Variants in HSD17B11 observed in about 807,000 individuals in gnomAD.
HSD17B11 encodes the protein estradiol 17-beta-dehydrogenase 11.
Under a neutral mutation model 27.8 loss-of-function variants are expected in HSD17B11, and 22 were observed. That is an observed-to-expected ratio of 0.79 (90% CI 0.56 to 1.13). The LOEUF is 1.13. Ranked by LOEUF, HSD17B11 falls within the 50% of genes most tolerant of loss-of-function variation. The pLI is 0.00. For synonymous variants in HSD17B11, 117 were observed against 132.8 expected, an observed-to-expected ratio of 0.88 and a Z score of 0.82; for missense variants, 314 against 351.1, an observed-to-expected ratio of 0.89 and a Z score of 0.84.
At chr4:87,360,893 TAA>T (rs1426812144) in intron 4 of HSD17B11, among the ~76,000 whole-genome samples, 1 of 152,218 alleles carries the variant, frequency 6.6e-6, no homozygotes, top group Non-Finnish European at 1.5e-5. Flanking sequence ...ATGTTGCACA[TAA>T]TATTTATTAA....
chr4:87,337,983 A>T, intron 6 of HSD17B11, among the ~76,000 whole-genome samples: 1 of 152,160 alleles, frequency 6.6e-6, no homozygotes, highest in East Asian at 1.9e-4. Flanking sequence ...TTTGGGAGGC[A>T]GAGGCGGGTG....
chr4:87,388,166 CAAAA>C (rs67885339), intron 1 of HSD17B11, among the ~76,000 whole-genome samples: 1 of 137,470 alleles, frequency 7.3e-6, no homozygotes, highest in African/African-American at 2.7e-5. Context: ...GTAGTCACAC[CAAAA>C]AAAAAAAAAA....
chr4:87,374,694 C>A lies in HSD17B11; in HGVS notation c.450+5G>T, dbSNP rs770895057. The A allele has an allele frequency of 6.3e-7, 1 of 1,592,766 alleles. No homozygotes were observed. The highest frequency in any genetic ancestry group is 2.2e-5 in the East Asian group (1 of 44,542). ...GAACATTTTTGTAAAAGAAGCCATA[C>A]TCACCCAGAAATGTGCAAGTACATT... is the stretch of plus-strand genomic sequence containing the variant. On this transcript the variant is annotated splice_donor_5th_base_variant and intron_variant, in intron 3 of 6. Transcript: ENST00000358290.
At chr4:87,383,866 T>TTAA (rs1720236488) in intron 1 of HSD17B11, among the ~76,000 whole-genome samples, 1 of 152,080 alleles carries the variant, frequency 6.6e-6, no homozygotes, top group Non-Finnish European at 1.5e-5. Flanking sequence ...GTTTTTGCCA[T>TTAA]TAGTTTAATG....
chr4:87,341,439 C>T (rs938145669), intron 5 of HSD17B11, among the ~76,000 whole-genome samples: 3 of 152,058 alleles, frequency 2.0e-5, no homozygotes, highest in Non-Finnish European at 4.4e-5. Context: ...CCCAAAGTGC[C>T]GGGATTGCAG....
rs903497165 is a variant in HSD17B11, at chr4:87,336,832, A to G, written c.*444T>C. ...GAGTTCATGATATTCATTGTGAAAT[A>G]CCACTAGATATAGTCCTTCATTTTA... On this transcript the variant is annotated 3_prime_UTR_variant, in exon 7 of 7. Coordinates refer to ENST00000358290, the MANE Select transcript of HSD17B11 (RefSeq NM_016245.5). 2 of 160,442 alleles carry G rather than the reference A, an allele frequency of 1.2e-5. No homozygotes were observed. The highest frequency in any genetic ancestry group is 2.4e-5 in the African/African-American group (1 of 41,510). 9.9% of individuals were successfully genotyped at this position (160,442 alleles called of 1,614,324 possible).
At chr4:87,385,100 T>C (rs1370977795) in intron 1 of HSD17B11, among the ~76,000 whole-genome samples, 2 of 152,352 alleles carry the variant, frequency 1.3e-5, no homozygotes, top group African/African-American at 2.4e-5. Context: ...CAAACTGTAG[T>C]ATACTCTCAT....
chr4:87,368,568 C>T (rs1218443021), intron 4 of HSD17B11, among the ~76,000 whole-genome samples: 3 of 152,184 alleles, frequency 2.0e-5, no homozygotes, highest in Non-Finnish European at 4.4e-5. Context: ...AACAGAACAA[C>T]TCCATCTTGA....
At chr4:87,355,033 G>A (rs1181561638) in intron 5 of HSD17B11, among the ~76,000 whole-genome samples, 1 of 151,436 alleles carries the variant, frequency 6.6e-6, no homozygotes, top group Non-Finnish European at 1.5e-5. Context: ...GTGGAGGGTT[G>A]CTTGAGCCCA....
chr4:87,378,845 A>AAT (rs1485945077), intron 2 of HSD17B11, among the ~76,000 whole-genome samples: 9 of 18,122 alleles, frequency 5.0e-4, no homozygotes, highest in African/African-American at 2.8e-3. Context: ...TATATATATA[A>AAT]ATATATATAT....
intron 2 of HSD17B11, among the ~76,000 whole-genome samples, chr4:87,378,951 TATATATATA>T (rs1560769696): frequency 4.4e-4 from 13 of 29,600 alleles, no homozygotes; most frequent in African/African-American, 7.5e-4. Flanking sequence ...TATATATTTA[TATATATATA>T]TTTTTTTTTT....
chr4:87,340,567 C>T lies in HSD17B11; in HGVS notation c.735G>A (p.Arg245=). Residue 245 remains arginine (R), a synonymous_variant, in exon 6 of 7, where the codon AGG becomes AGA. Transcript: ENST00000358290. ...GCTCAGTCAGAATCCCATGCATCAGCCTGTTTACCACTTCCTCAGGTTCCA... is the reference window on the plus strand; with the variant it reads ...GCTCAGTCAGAATCCCATGCATCAGTCTGTTTACCACTTCCTCAGGTTCCA... ...PTLEPEEVVN[R]LMHGILTEQK... is the part of the protein sequence containing the mutation. 3 of 1,613,172 alleles carry T rather than the reference C, an allele frequency of 1.9e-6. No individual in the cohort carries two copies. Among genetic ancestry groups the T allele is most frequent in the South Asian group, 2.2e-5 (2 of 90,826 alleles).
chr4:87,390,874 C>T lies in HSD17B11; in HGVS notation c.197G>A (p.Trp66Ter), dbSNP rs1720439165. 3.7e-6 allele frequency: 6 copies of T among 1,613,892 alleles called. No individual in the cohort carries two copies. The highest frequency in any genetic ancestry group is 5.1e-6 in the Non-Finnish European group (6 of 1,179,790). Residue 66 changes from tryptophan to a stop codon, truncating the protein, a stop_gained, in exon 1 of 7, where the codon TGG becomes TAG. Coordinates refer to ENST00000358290, the MANE Select transcript of HSD17B11 (RefSeq NM_016245.5). LOFTEE classifies it high-confidence loss of function. ...FAKLKSKLVL[W>*]DINKHGLEET... ...AAACACTGTTACCTTATTTATATCC[C>T]AGAGAACCAGCTTGCTTTTAAGTTT...
chr4:87,358,121 T>C (rs1267819975), intron 4 of HSD17B11, among the ~76,000 whole-genome samples: 2 of 151,780 alleles, frequency 1.3e-5, no homozygotes, highest in Non-Finnish European at 2.9e-5. Context: ...GCCACCATGC[T>C]CGGCTAATTT....
chr4:87,378,797 TTATA>T (rs58276602), intron 2 of HSD17B11, among the ~76,000 whole-genome samples: 5,835 of 65,848 alleles, frequency 0.089, 902 homozygotes, highest in African/African-American at 0.28. Context: ...ATATATGATT[TTATA>T]TATATATATA....
chr4:87,382,343 G>C lies in HSD17B11; in HGVS notation c.230C>G (p.Ala77Gly). 6.2e-7 allele frequency: 1 copy of C among 1,613,604 alleles called. No homozygotes were observed. The highest frequency in any genetic ancestry group is 8.5e-7 in the Non-Finnish European group (1 of 1,179,624). ...DINKHGLEET[A>G]AKCKGLGAKV... ...GGCACCCAGTCCCTTGCATTTGGCA[G>C]CTGTTTCCTCCAGTCCATGCTAGAA... Residue 77 changes from alanine (A) to glycine (G), a missense_variant, in exon 2 of 7, where the codon GCT (alanine) becomes GGT (glycine). Physicochemically the swap from Ala to Gly is moderately conservative, Grantham distance 60 (BLOSUM62 0). Coordinates refer to ENST00000358290, the MANE Select transcript of HSD17B11 (RefSeq NM_016245.5).
intron 5 of HSD17B11, among the ~76,000 whole-genome samples, chr4:87,346,003 C>T (rs542538088): frequency 6.6e-6 from 1 of 152,146 alleles, no homozygotes; most frequent in Non-Finnish European, 1.5e-5. Context: ...AAACTACTGA[C>T]CAGTATCTCT....
At chr4:87,383,150 A>G (rs1213476476) in intron 1 of HSD17B11, among the ~76,000 whole-genome samples, 1 of 152,084 alleles carries the variant, frequency 6.6e-6, no homozygotes. Flanking sequence ...GACAGATAGG[A>G]GATTGGTCTT....
At chr4:87,389,957 A>C (rs763478044) in intron 1 of HSD17B11, among the ~76,000 whole-genome samples, 6 of 152,112 alleles carry the variant, frequency 3.9e-5, no homozygotes. Context: ...ACGTGGTAAA[A>C]AATGTTTTTT....
Sources: allele counts gnomAD v4.1 joint callset (sites outside exome capture counted in the v4.1 genomes callset), GRCh38; gene constraint gnomAD v4.1.1; transcripts MANE v1.5; gene names NCBI Gene and HGNC (gene_info 2026-07-23, HGNC 2026-07-21).